Variants in TASP1 observed in about 807,000 individuals in gnomAD.
The protein encoded by TASP1 is threonine aspartase 1.
A neutral mutation model predicts 56.6 loss-of-function variants in TASP1; 16 were observed. The observed-to-expected ratio is 0.28, with a 90% CI of 0.19 to 0.43. The LOEUF (loss-of-function observed/expected upper bound fraction) is 0.43. Ranked by LOEUF, TASP1 falls within the 20% of genes least tolerant of loss-of-function variation. The probability of loss-of-function intolerance (pLI) is 1.00; values close to 1 mark genes in which losing one functional copy is unlikely to be tolerated. For missense variants in TASP1, 393 were observed against 511.6 expected (o/e 0.77, Z 2.24); for synonymous variants, 179 against 184.2 (o/e 0.97, Z 0.23).
chr20:13,540,577 A>G (rs750593345), intron 8 of TASP1, among the ~76,000 whole-genome samples: 2 of 152,218 alleles, frequency 1.3e-5, no homozygotes, highest in Non-Finnish European at 2.9e-5. Flanking sequence ...AGCCCATGCT[A>G]TATGTAACAA....
intron 11 of TASP1, among the ~76,000 whole-genome samples, chr20:13,478,772 G>A (rs2043031618): frequency 6.6e-6 from 1 of 151,682 alleles, no homozygotes; most frequent in South Asian, 2.1e-4. Context: ...AAACTCTAGA[G>A]CAACCACTAA....
the TASP1 span, among the ~76,000 whole-genome samples, chr20:13,224,595 T>C: frequency 6.6e-6 from 1 of 152,212 alleles, no homozygotes; most frequent in East Asian, 1.9e-4. Flanking sequence ...TTATTGTTTT[T>C]ATCTCTGTGT....
chr20:13,385,302 T>C (rs1041037555), downstream of TASP1, among the ~76,000 whole-genome samples: 1 of 152,252 alleles, frequency 6.6e-6, no homozygotes, highest in African/African-American at 2.4e-5. Context: ...TGATGAACTG[T>C]TGCTCTTCAG....
Position 13,417,632 on chromosome 20 carries a change from C to T in TASP1, c.1097-111G>A, listed in dbSNP as rs79276675. The T allele has an allele frequency of 4.8e-3, 5,307 of 1,100,940 alleles. 174 individuals are homozygous for T. The African/African-American group carries it at 0.072, about 15-fold the overall frequency. 68.2% of individuals were successfully genotyped at this position (1,100,940 alleles called of 1,614,324 possible). Reference sequence around the variant, plus strand: ...GCTTTATATTTAACACACTCAGTTCCCCACTTTCCATTTGCTTGTTCATAA... The same window carrying T: ...GCTTTATATTTAACACACTCAGTTCTCCACTTTCCATTTGCTTGTTCATAA... On this transcript the variant is annotated intron_variant, in intron 12 of 13. Coordinates refer to ENST00000337743, the MANE Select transcript of TASP1 (RefSeq NM_017714.3).
intron 2 of TASP1, among the ~76,000 whole-genome samples, chr20:13,626,963 A>T (rs1026961249): frequency 1.4e-5 from 2 of 140,000 alleles, no homozygotes; most frequent in South Asian, 4.5e-4. Flanking sequence ...CCTGTTTAAC[A>T]ATGGAAAGGC....
chr20:13,267,331 T>C, the TASP1 span, among the ~76,000 whole-genome samples: 5 of 152,174 alleles, frequency 3.3e-5, no homozygotes, highest in South Asian at 1.0e-3. Flanking sequence ...TTCGGAGAGA[T>C]GGAGAAATGC....
intron 5 of TASP1, among the ~76,000 whole-genome samples, chr20:13,584,453 C>T (rs1944884937): frequency 6.6e-6 from 1 of 152,076 alleles, no homozygotes; most frequent in Non-Finnish European, 1.5e-5. Flanking sequence ...CAGAGAAATG[C>T]TAATGGCCTT....
chr20:13,485,044 G>A (rs928120130), intron 10 of TASP1, among the ~76,000 whole-genome samples: 1 of 152,078 alleles, frequency 6.6e-6, no homozygotes, highest in Non-Finnish European at 1.5e-5. Flanking sequence ...ATGGGTTGAT[G>A]GGTGGAGCAA....
chr20:13,362,808 A>AATATAT, the TASP1 span, among the ~76,000 whole-genome samples: 2,068 of 114,738 alleles, frequency 0.018, 52 homozygotes, highest in East Asian at 0.063. Flanking sequence ...AATAGCAAGA[A>AATATAT]ATATATATAT....
chr20:13,409,441 T>C (rs2042024656), intron 13 of TASP1, among the ~76,000 whole-genome samples: 1 of 152,146 alleles, frequency 6.6e-6, no homozygotes, highest in South Asian at 2.1e-4. Context: ...AGACGTTTTA[T>C]ACCTTTTTAA....
the TASP1 span, chr20:13,292,280 C>T: frequency 1.3e-6 from 1 of 763,326 alleles, no homozygotes; most frequent in Non-Finnish European, 2.2e-6. Context: ...ACAAAAAAGG[C>T]TTTGTTCAGG....
chr20:13,207,278 GA>G, the TASP1 span, among the ~76,000 whole-genome samples: 1 of 152,186 alleles, frequency 6.6e-6, no homozygotes. Flanking sequence ...AGAAGCACAA[GA>G]AATATACAAA....
chr20:13,496,227 T>G (rs565477609), intron 10 of TASP1, among the ~76,000 whole-genome samples: 3 of 152,124 alleles, frequency 2.0e-5, no homozygotes, highest in Non-Finnish European at 4.4e-5. Context: ...TTAATTTTTG[T>G]ATTTTTTAGT....
intron 8 of TASP1, among the ~76,000 whole-genome samples, chr20:13,547,102 A>C (rs1431607045): frequency 2.0e-5 from 3 of 152,210 alleles, no homozygotes; most frequent in Non-Finnish European, 4.4e-5. Flanking sequence ...AGTAATGTCA[A>C]CTGAGTAAAG....
intron 12 of TASP1, among the ~76,000 whole-genome samples, chr20:13,423,903 G>A (rs2042533660): frequency 6.6e-6 from 1 of 152,140 alleles, no homozygotes; most frequent in South Asian, 2.1e-4. Flanking sequence ...TCATTAGAAT[G>A]TATTATCATG....
the TASP1 span, among the ~76,000 whole-genome samples, chr20:13,135,744 G>A: frequency 3.3e-5 from 5 of 152,190 alleles, no homozygotes; most frequent in Non-Finnish European, 7.3e-5. Context: ...GAACAGGCCA[G>A]TACTTAAATT....
the TASP1 span, among the ~76,000 whole-genome samples, chr20:13,354,354 A>G: frequency 1.3e-5 from 2 of 152,138 alleles, no homozygotes; most frequent in Non-Finnish European, 2.9e-5. Flanking sequence ...CCACCAAGTG[A>G]CCCCCACTCT....
intron 11 of TASP1, among the ~76,000 whole-genome samples, chr20:13,465,178 CAAA>C (rs771255579): frequency 0.027 from 1,558 of 57,172 alleles, 23 homozygotes; most frequent in African/African-American, 0.081. Context: ...TTCTCTCTCC[CAAA>C]AAAAAAAAAA....
the TASP1 span, among the ~76,000 whole-genome samples, chr20:13,285,632 A>G: frequency 1.3e-5 from 2 of 152,158 alleles, no homozygotes; most frequent in Non-Finnish European, 2.9e-5. Context: ...CTATTATCCC[A>G]TTGGCCAAAG....
Sources: gnomAD v4.1 joint callset for allele counts (sites outside exome capture counted in the v4.1 genomes callset) on GRCh38, gnomAD v4.1.1 for gene constraint, MANE v1.5 for transcripts, NCBI Gene and HGNC (gene_info 2026-07-23, HGNC 2026-07-21) for gene names.